The following ABLIM1 variants were observed in gnomAD, a reference collection of about 807,000 sequenced individuals.
ABLIM1 encodes the protein actin binding LIM protein 1.
A neutral mutation model predicts 107.0 loss-of-function variants in ABLIM1; 40 were observed. The observed-to-expected ratio is 0.37, with a 90% CI of 0.29 to 0.49. The LOEUF is 0.49. Among genes scored for constraint, ABLIM1 ranks in the 20% least tolerant of loss-of-function variants. ABLIM1 has a pLI of 0.97. For missense variants in ABLIM1, 857 were observed against 1,008.5 expected, an observed-to-expected ratio of 0.85 and a Z score of 2.04; for synonymous variants, 357 against 357.3, an observed-to-expected ratio of 1.00 and a Z score of 0.01.
intron 1 of ABLIM1, among the ~76,000 whole-genome samples, chr10:114,718,106 A>G (rs1343712518): frequency 0.35 from 33,232 of 93,910 alleles, 7,810 homozygotes; most frequent in Non-Finnish European, 0.49. Flanking sequence ...AAAGAAAAAG[A>G]AAAAGAAAGA....
intron 2 of ABLIM1, among the ~76,000 whole-genome samples, chr10:114,575,833 C>T (rs1422303832): frequency 6.6e-6 from 1 of 152,154 alleles, no homozygotes; most frequent in Non-Finnish European, 1.5e-5. Context: ...TGTGATATGT[C>T]TAAAATTCTG....
intron 1 of ABLIM1, among the ~76,000 whole-genome samples, chr10:114,727,359 T>C (rs186702408): frequency 6.6e-5 from 10 of 152,222 alleles, no homozygotes; most frequent in Non-Finnish European, 1.3e-4. Flanking sequence ...TCTAGGAAGA[T>C]GTGAAACAAA....
chr10:114,589,984 G>A (rs1368264935), intron 2 of ABLIM1, among the ~76,000 whole-genome samples: 3 of 151,986 alleles, frequency 2.0e-5, no homozygotes. Flanking sequence ...CTCCATTCGT[G>A]GTAAGTGACC....
chr10:114,558,751 C>A (rs1174559318), intron 4 of ABLIM1, among the ~76,000 whole-genome samples: 1 of 152,146 alleles, frequency 6.6e-6, no homozygotes, highest in Non-Finnish European at 1.5e-5. Context: ...CTGTTCATTT[C>A]TCTGAACAAT....
At chr10:114,763,961 T>C (rs747973094) in intron 1 of ABLIM1, among the ~76,000 whole-genome samples, 1 of 152,220 alleles carries the variant, frequency 6.6e-6, no homozygotes, top group Non-Finnish European at 1.5e-5. Flanking sequence ...CACTGTAATC[T>C]AGTGGTCCTT....
At chr10:114,488,745 C>G (rs546663464) in intron 7 of ABLIM1, among the ~76,000 whole-genome samples, 1 of 152,268 alleles carries the variant, frequency 6.6e-6, no homozygotes, top group South Asian at 2.1e-4. Flanking sequence ...AAACAAAACA[C>G]TTATCTCCAA....
chr10:114,753,248 G>A (rs1042319443), intron 1 of ABLIM1, among the ~76,000 whole-genome samples: 2 of 152,158 alleles, frequency 1.3e-5, no homozygotes, highest in African/African-American at 4.8e-5. Context: ...AACAGGAGAT[G>A]GTACACGAAG....
chr10:114,629,766 G>C lies in ABLIM1; in HGVS notation c.245-27805C>G, dbSNP rs531141455. Among the ~76,000 whole-genome samples the C allele has an allele frequency of 2.6e-5, 4 of 152,216 alleles. No individual in the cohort carries two copies. In the South Asian group the frequency reaches 8.3e-4, roughly 32 times the overall value. ...GAATGCCTGGACTAAACGATCCCCA[G>C]TGCCCTTCTCACTTTAAGGGCTATG... On this transcript the variant is annotated intron_variant, in intron 1 of 22. Coordinates refer to ENST00000533213, the MANE Select transcript of ABLIM1 (RefSeq NM_002313.7). The surrounding 1 kb of genome is among the most constrained non-coding windows in gnomAD (Gnocchi z 4.0).
chr10:114,631,662 A>T (rs2078184911), intron 1 of ABLIM1, among the ~76,000 whole-genome samples: 1 of 152,094 alleles, frequency 6.6e-6, no homozygotes, highest in Admixed American at 6.5e-5. Context: ...CAAAAGAGAC[A>T]TACACCCCAG....
chr10:114,466,974 C>T (rs934518750), intron 11 of ABLIM1, among the ~76,000 whole-genome samples: 1 of 152,090 alleles, frequency 6.6e-6, no homozygotes, highest in African/African-American at 2.4e-5. Context: ...GCCTGCCCAA[C>T]ATGGTGAAAC....
At chr10:114,690,204 C>T in intron 1 of ABLIM1, 1 of 1,421,590 alleles carries the variant, frequency 7.0e-7, no homozygotes, top group Non-Finnish European at 9.8e-7. Flanking sequence ...ATTCCTGGAC[C>T]CAAAGCGCCC....
At chr10:114,569,975 C>T (rs1413593697) in intron 4 of ABLIM1, among the ~76,000 whole-genome samples, 1 of 152,208 alleles carries the variant, frequency 6.6e-6, no homozygotes, top group African/African-American at 2.4e-5. Flanking sequence ...TTAGTCAGAA[C>T]ATTCTTCTTT....
At position 114,455,812 on chromosome 10, in the gene ABLIM1, C is replaced by CTTT. The variant is rs11285756; in HGVS notation, c.1442-2332_1442-2330dup. ...ATCAACAGGTTACAGGAAACTGCAA[C>CTTT]TTTTTTTTTTTTTTTTTTGAGACGG... On this transcript the variant is annotated intron_variant, in intron 12 of 22. Transcript: ENST00000533213. 1.6e-4 allele frequency among the ~76,000 whole-genome samples: 22 copies of CTTT among 139,554 alleles called. 1 individual carries two copies. The highest frequency in any genetic ancestry group is 2.3e-4 in the South Asian group (1 of 4,340). 91.6% of individuals were successfully genotyped at this position (139,554 alleles called of 152,430 possible). A position where few individuals can be genotyped will look rare whatever the true frequency, so the allele number is the denominator to read the frequency against.
chr10:114,785,559 T>C, the ABLIM1 span, among the ~76,000 whole-genome samples: 10 of 152,132 alleles, frequency 6.6e-5, no homozygotes, highest in Admixed American at 1.3e-4. Context: ...GGCATGGGTG[T>C]AGATGAAATA....
intron 7 of ABLIM1, 128 bp from the exon 8 acceptor site, chr10:114,488,144 C>T (rs773228036): frequency 4.1e-6 from 4 of 974,000 alleles, no homozygotes; most frequent in African/African-American, 1.6e-5. Flanking sequence ...TGCTTTATGT[C>T]CAAGTGAATC....
At chr10:114,686,913 C>T (rs1347103618), upstream of ABLIM1, among the ~76,000 whole-genome samples, 1 of 152,126 alleles carries the variant, frequency 6.6e-6, no homozygotes, top group South Asian at 2.1e-4. Context: ...AGGCATGAGC[C>T]ACAGTGCCCG....
chr10:114,544,525 G>A (rs916667864), intron 6 of ABLIM1, among the ~76,000 whole-genome samples: 1 of 152,178 alleles, frequency 6.6e-6, no homozygotes, highest in African/African-American at 2.4e-5. Context: ...GGGTCACACA[G>A]GATGTGGTTT....
chr10:114,536,223 CTTTGTTT>C (rs2065986235), intron 6 of ABLIM1, among the ~76,000 whole-genome samples: 1 of 80,428 alleles, frequency 1.2e-5, no homozygotes, highest in African/African-American at 4.9e-5. Flanking sequence ...TTCCTTCTTT[CTTTGTTT>C]TTTTTTTTTT....
In ABLIM1 at chr10:114,506,760, T is replaced by A. The variant is rs146230649; in HGVS notation, c.895-14882A>T. Among the ~76,000 whole-genome samples the A allele has an allele frequency of 9.1e-4, 139 of 152,376 alleles. 2 individuals are homozygous for A. In the East Asian group the frequency reaches 0.023, roughly 25 times the overall value. On this transcript the variant is annotated intron_variant, in intron 6 of 22. Transcript: ENST00000533213. ...TTAGACCTTTGCCAGATATACAATT[T>A]GTGAATATTTTCTCCCATTGTGTAG...
Sources: gnomAD v4.1 joint callset for allele counts (sites outside exome capture counted in the v4.1 genomes callset) on GRCh38, gnomAD v4.1.1 for gene constraint, Gnocchi (gnomAD v3.1) non-coding constraint, MANE v1.5 for transcripts, NCBI Gene and HGNC (gene_info 2026-07-23, HGNC 2026-07-21) for gene names.